Variants in KDM4F observed in about 807,000 individuals in gnomAD.
KDM4F encodes the protein lysine demethylase 4F.
For missense variants in KDM4F, 586 were observed against 496.4 expected (o/e 1.18, Z -1.71); for synonymous variants, 223 against 184.4 (o/e 1.21, Z -1.70).
At chr11:95,050,717 TG>T in the KDM4F span, 1 of 633,476 alleles carries the variant, frequency 1.6e-6, no homozygotes, top group South Asian at 1.8e-5. Context: ...GCTGTGGTCG[TG>T]GTCGAGGTCG....
At position 95,050,521 on chromosome 11, in the gene KDM4F, C is replaced by G. The variant is rs531143995; in HGVS notation, c.1100C>G (p.Ala367Gly). ...AGGGAGGACATAGCACTTAGGAGAGCTGCTCTGGGCCTGAGGCATCTCCGG... is the reference window on the plus strand; with the variant it reads ...AGGGAGGACATAGCACTTAGGAGAGGTGCTCTGGGCCTGAGGCATCTCCGG... The change falls in exon 1 of 1, where the codon GCT (alanine) becomes GGT (glycine). Residue 367 changes from alanine (A) to glycine (G), a missense_variant. Physicochemically the swap from Ala to Gly is moderately conservative, Grantham distance 60 (BLOSUM62 0). Coordinates refer to ENST00000545950, the Ensembl canonical transcript of KDM4F. 4.5e-5 allele frequency: 32 copies of G among 705,316 alleles called. No individual in the cohort carries two copies. In the East Asian group the frequency reaches 5.4e-4, roughly 12 times the overall value. 43.7% of individuals were successfully genotyped at this position (705,316 alleles called of 1,614,324 possible). A position where few individuals can be genotyped will look rare whatever the true frequency, so the allele number is the denominator to read the frequency against.
At chr11:95,050,345 C>T in exon 1 of KDM4F, 1 of 1,197,936 alleles carries the variant, frequency 8.3e-7, no homozygotes, top group East Asian at 2.3e-5. Context: ...CACAGTGTAG[C>T]TGTGGCGAGG....
exon 1 of KDM4F, chr11:95,051,077 G>C: frequency 2.4e-6 from 1 of 411,118 alleles, no homozygotes; most frequent in Non-Finnish European, 4.3e-6. Context: ...GTGTCACTGT[G>C]CCTTTGATTA....
At chr11:95,050,811 G>A (rs1858504305) in exon 1 of KDM4F, 1 of 603,678 alleles carries the variant, frequency 1.7e-6, no homozygotes, top group African/African-American at 1.8e-5. Flanking sequence ...GCGCCTCTCA[G>A]TGGGGACAGG....
At chr11:95,050,711 T>TGGTCGTGGTCGA (rs1295056827) in exon 1 of KDM4F, 27 of 630,802 alleles carry the variant, frequency 4.3e-5, no homozygotes, top group African/African-American at 3.8e-4. Flanking sequence ...GTCGTGGCTG[T>TGGTCGTGGTCGA]GGTCGTGGTC....
At chr11:95,050,367 T>C (rs1332194244) in exon 1 of KDM4F, 2 of 1,039,532 alleles carry the variant, frequency 1.9e-6, no homozygotes, top group East Asian at 4.7e-5. Flanking sequence ...GAGAGTGACC[T>C]TTTCCATGGA....
At chr11:95,050,465 G>A in exon 1 of KDM4F, 4 of 756,362 alleles carry the variant, frequency 5.3e-6, no homozygotes, top group Middle Eastern at 2.2e-4. Flanking sequence ...TGGAGCCCAG[G>A]GTTGCAGAAA....
exon 1 of KDM4F, chr11:95,051,181 T>A (rs1858508433): frequency 2.5e-6 from 1 of 398,706 alleles, no homozygotes; most frequent in Non-Finnish European, 4.4e-6. Flanking sequence ...AGGGTTCCGG[T>A]CCCAACTAAG....
Position 95,050,252 on chromosome 11 carries a change from T to C in KDM4F, c.831T>C (p.His277=). ...TGGTGACTTTTCCCTATGGCTACCA[T>C]GCTGGCTTCAATCACGGCTTCAACT... is the stretch of plus-strand genomic sequence containing the variant. The change falls in exon 1 of 1, where the codon CAT becomes CAC. Residue 277 remains histidine, a synonymous_variant. Transcript: ENST00000545950. 3 of 1,543,270 alleles carry C rather than the reference T, an allele frequency of 1.9e-6. No homozygotes were observed. The South Asian group carries it at 3.4e-5, about 17-fold the overall frequency.
chr11:95,049,726 C>A (rs1000877958), exon 1 of KDM4F: 71 of 1,605,350 alleles, frequency 4.4e-5, no homozygotes, highest in Non-Finnish European at 5.9e-6. Context: ...CGCCACTTGG[C>A]AAACAGTAAA....
chr11:95,051,284 C>T, exon 1 of KDM4F: 1 of 398,714 alleles, frequency 2.5e-6, no homozygotes, highest in Non-Finnish European at 4.4e-6. Context: ...TCCTCCAATG[C>T]ATGATCAATC....
the KDM4F span, chr11:95,051,173 GGTTCCGGTCCCAA>G: frequency 1.0e-5 from 4 of 398,980 alleles, no homozygotes; most frequent in Non-Finnish European, 1.8e-5. Context: ...ATGCCTCTAG[GGTTCCGGTCCCAA>G]CTAAGTTTTC....
exon 1 of KDM4F, chr11:95,051,319 T>C (rs1858509826): frequency 2.5e-6 from 1 of 398,568 alleles, no homozygotes; most frequent in Admixed American, 4.4e-5. Context: ...CCATTGAATA[T>C]GGTGTCAAAT....
chr11:95,050,457 G>C (rs1393958900), exon 1 of KDM4F: 1 of 770,484 alleles, frequency 1.3e-6, no homozygotes, highest in African/African-American at 1.7e-5. Context: ...GGATTACATG[G>C]AGCCCAGGGT....
chr11:95,050,609 C>T (rs1555105425), exon 1 of KDM4F: 9 of 639,830 alleles, frequency 1.4e-5, no homozygotes, highest in Admixed American at 7.3e-5. Flanking sequence ...ACCCAAAGGG[C>T]GGTGGTACCG....
chr11:95,050,221 A>C, exon 1 of KDM4F: 1 of 1,558,234 alleles, frequency 6.4e-7, no homozygotes, highest in Non-Finnish European at 8.9e-7. Flanking sequence ...GAGGCTGGGG[A>C]GTTCATGGTG....
chr11:95,050,356 C>T (rs750402951), exon 1 of KDM4F: 10 of 1,100,670 alleles, frequency 9.1e-6, no homozygotes, highest in Admixed American at 1.7e-5. Context: ...TGTGGCGAGG[C>T]GAGAGTGACC....
At chr11:95,050,680 C>A (rs969406947) in exon 1 of KDM4F, 2 of 620,434 alleles carry the variant, frequency 3.2e-6, no homozygotes, top group Non-Finnish European at 5.8e-6. Context: ...CTTCCCCCTT[C>A]CACTGGAAGG....
At chr11:95,050,476 G>A in exon 1 of KDM4F, 1 of 740,442 alleles carries the variant, frequency 1.4e-6, no homozygotes. Flanking sequence ...GTTGCAGAAA[G>A]CCAAGAGCCG....
Sources: gnomAD v4.1 joint callset for allele counts on GRCh38, gnomAD v4.1.1 for gene constraint, MANE v1.5 for transcripts, NCBI Gene and HGNC (gene_info 2026-07-23, HGNC 2026-07-21) for gene names.